The following FOXP1 variants were observed in gnomAD, a reference collection of about 807,000 sequenced individuals.
FOXP1 encodes the protein forkhead box protein P1.
A neutral mutation model predicts 98.2 loss-of-function variants in FOXP1; 15 were observed. That is an observed-to-expected ratio of 0.15 (90% confidence interval 0.10 to 0.24). The LOEUF (loss-of-function observed/expected upper bound fraction) is 0.24. Among genes scored for constraint, FOXP1 ranks in the 10% least tolerant of loss-of-function variants. FOXP1 has a pLI of 1.00. For synonymous variants in FOXP1, 371 were observed against 314.5 expected, an observed-to-expected ratio of 1.18 and a Z score of -1.90; for missense variants, 633 against 848.5, an observed-to-expected ratio of 0.75 and a Z score of 3.15.
At chr3:71,175,985 C>G (rs1479421810) in intron 6 of FOXP1, among the ~76,000 whole-genome samples, 1 of 152,176 alleles carries the variant, frequency 6.6e-6, no homozygotes, top group Non-Finnish European at 1.5e-5. Context: ...AAATAATCCA[C>G]TCTCCCCAGT....
intron 3 of FOXP1, among the ~76,000 whole-genome samples, chr3:71,359,741 T>C (rs532164221): frequency 2.6e-5 from 4 of 152,248 alleles, no homozygotes; most frequent in Admixed American, 2.0e-4. Flanking sequence ...GTAGGCCGGC[T>C]GGTCTCAAAC....
At chr3:71,507,029 A>G (rs1196152757) in intron 2 of FOXP1, among the ~76,000 whole-genome samples, 1 of 152,128 alleles carries the variant, frequency 6.6e-6, no homozygotes, top group Admixed American at 6.6e-5. Context: ...CTTTGCTTGG[A>G]CCACACAACT....
At chr3:71,108,743 T>C (rs2057658743) in intron 7 of FOXP1, among the ~76,000 whole-genome samples, 1 of 152,148 alleles carries the variant, frequency 6.6e-6, no homozygotes, top group Non-Finnish European at 1.5e-5. Flanking sequence ...CCAGCCTGGA[T>C]GAAAGAGCAA....
chr3:71,058,553 T>C (rs1269303467), intron 7 of FOXP1, among the ~76,000 whole-genome samples: 1 of 146,978 alleles, frequency 6.8e-6, no homozygotes, highest in Non-Finnish European at 1.5e-5. Flanking sequence ...GGCTCCAGAA[T>C]GTCACAACAA....
At chr3:71,354,034 C>A (rs552530602) in intron 4 of FOXP1, among the ~76,000 whole-genome samples, 2 of 151,630 alleles carry the variant, frequency 1.3e-5, no homozygotes, top group South Asian at 4.2e-4. Context: ...GGGCTGGGCG[C>A]GGTGGTTCAC....
chr3:70,965,969 C>T lies in FOXP1; in HGVS notation c.1810G>A (p.Glu604Lys). ...TLGNLASAIR[E>K]ELNGAMEHTN... ...TGCTCCATTGCCCCGTTCAGCTCTT[C>T]CCGTATTGCGCTGGCTAAGTTGCCC... Residue 604 changes from glutamate (E) to lysine (K), a missense_variant, in exon 20 of 21, where the codon GAA (glutamate) becomes AAA (lysine). Physicochemically the swap from Glu to Lys is moderately conservative, Grantham distance 56 (BLOSUM62 1). Coordinates refer to ENST00000649528, the MANE Select transcript of FOXP1 (RefSeq NM_001349338.3). 1 of 1,614,130 alleles carries T rather than the reference C, an allele frequency of 6.2e-7. No individual in the cohort carries two copies. Among genetic ancestry groups the T allele is most frequent in the Non-Finnish European group, 8.5e-7 (1 of 1,180,020 alleles).
At chr3:71,537,066 G>A (rs2044357787) in intron 2 of FOXP1, among the ~76,000 whole-genome samples, 1 of 152,168 alleles carries the variant, frequency 6.6e-6, no homozygotes, top group African/African-American at 2.4e-5. Context: ...GCGAGCCAGC[G>A]ATCCCTAAAT....
At chr3:71,345,799 T>C (rs990385301) in intron 4 of FOXP1, among the ~76,000 whole-genome samples, 1 of 141,468 alleles carries the variant, frequency 7.1e-6, no homozygotes, top group Non-Finnish European at 1.5e-5. Context: ...GAAATACCTA[T>C]TAGAACCATG....
chr3:70,970,973 T>G, intron 18 of FOXP1, 168 bp from the exon 19 acceptor site: 4 of 661,574 alleles, frequency 6.0e-6, no homozygotes, highest in Non-Finnish European at 1.1e-5. Flanking sequence ...GCAGGGCGGG[T>G]GTGTGTGCAC....
rs185737784 is a variant in FOXP1 at position 71,250,813 on chromosome 3, C to T, written c.-12+49007G>A. ...AGGCATGGTGGCGCACGCCTGTAAT[C>T]CCAGCTACTCAGGAGGCTGAGGCAG... is the stretch of plus-strand genomic sequence containing the variant. On this transcript the variant is annotated intron_variant, in intron 5 of 20. Coordinates refer to ENST00000649528, the MANE Select transcript of FOXP1 (RefSeq NM_001349338.3). Among the ~76,000 whole-genome samples the T allele has an allele frequency of 2.3e-3, 349 of 152,218 alleles. 4 individuals carry two copies. Among genetic ancestry groups the T allele is most frequent in the African/African-American group, 7.7e-3 (320 of 41,540 alleles).
chr3:71,131,008 G>C, intron 6 of FOXP1: 1 of 817,504 alleles, frequency 1.2e-6, no homozygotes, highest in South Asian at 5.5e-5. Context: ...CTGCTCTTGA[G>C]ATATTTTTGT....
At chr3:71,340,558 A>AT (rs1334435714) in intron 4 of FOXP1, among the ~76,000 whole-genome samples, 2 of 152,134 alleles carry the variant, frequency 1.3e-5, no homozygotes, top group Non-Finnish European at 2.9e-5. Context: ...TAAAAAGCAT[A>AT]TTTTTTCCCA....
chr3:71,204,369 C>CT (rs2063875079), intron 5 of FOXP1, among the ~76,000 whole-genome samples: 2 of 152,270 alleles, frequency 1.3e-5, no homozygotes, highest in African/African-American at 4.8e-5. Flanking sequence ...GCTCCACAGA[C>CT]TTTTTTCCCC....
chr3:71,499,464 A>T (rs1169026374), intron 2 of FOXP1, among the ~76,000 whole-genome samples: 2 of 152,282 alleles, frequency 1.3e-5, no homozygotes, highest in Non-Finnish European at 2.9e-5. Flanking sequence ...ACATATGTGC[A>T]TATAAACATA....
intron 13 of FOXP1, among the ~76,000 whole-genome samples, chr3:70,998,974 C>T (rs560008495): frequency 7.2e-5 from 11 of 152,168 alleles, no homozygotes; most frequent in Non-Finnish European, 1.5e-4. Flanking sequence ...TTCTAGTCAA[C>T]GATTTATTTT....
chr3:70,966,109 A>G, intron 19 of FOXP1, 53 bp from the exon 20 acceptor site: 1 of 1,454,452 alleles, frequency 6.9e-7, no homozygotes, highest in Non-Finnish European at 9.7e-7. Flanking sequence ...TAAGACAAGG[A>G]AACTACTAAT....
At chr3:71,254,852 T>C (rs1337374302) in intron 5 of FOXP1, among the ~76,000 whole-genome samples, 3 of 152,164 alleles carry the variant, frequency 2.0e-5, no homozygotes, top group Non-Finnish European at 4.4e-5. Context: ...ATATCTTATA[T>C]GGAGAAAGCA....
intron 6 of FOXP1, among the ~76,000 whole-genome samples, chr3:71,125,900 G>A (rs2059134747): frequency 6.6e-6 from 1 of 152,190 alleles, no homozygotes; most frequent in African/African-American, 2.4e-5. Context: ...CTAGCTGTGT[G>A]ACCTGAGACA....
intron 5 of FOXP1, among the ~76,000 whole-genome samples, chr3:71,285,288 C>T (rs550760216): frequency 3.1e-4 from 47 of 152,300 alleles, no homozygotes; most frequent in African/African-American, 1.1e-3. Context: ...ATGAATCAGT[C>T]GCATAAGGAT....
Sources: allele counts gnomAD v4.1 joint callset (sites outside exome capture counted in the v4.1 genomes callset), GRCh38; gene constraint gnomAD v4.1.1; transcripts MANE v1.5; gene names NCBI Gene and HGNC (gene_info 2026-07-23, HGNC 2026-07-21).